The following INSIG2 variants were observed in gnomAD, a reference collection of about 807,000 sequenced individuals.
INSIG2 encodes insulin induced gene 2, also known as insulin-induced gene 2 protein.
A neutral mutation model predicts 27.2 loss-of-function variants in INSIG2; 10 were observed. The observed-to-expected ratio is 0.37, with a 90% confidence interval of 0.23 to 0.62. INSIG2 has a LOEUF of 0.62. Among genes scored for constraint, INSIG2 ranks in the 20% least tolerant of loss-of-function variants. INSIG2 has a pLI of 0.65. For missense variants in INSIG2, 178 were observed against 270.2 expected, an observed-to-expected ratio of 0.66 and a Z score of 2.39; for synonymous variants, 97 against 95.8, an observed-to-expected ratio of 1.01 and a Z score of -0.07.
chr2:118,098,296 T>A (rs558027087), intron 2 of INSIG2, among the ~76,000 whole-genome samples: 4 of 152,290 alleles, frequency 2.6e-5, no homozygotes, highest in South Asian at 4.1e-4. Flanking sequence ...GAAACTGTTG[T>A]TTATTGAATG....
chr2:118,102,439 T>G (rs908554351), intron 2 of INSIG2: 8 of 152,204 alleles, frequency 5.3e-5, no homozygotes, highest in Non-Finnish European at 1.0e-4. Flanking sequence ...CTAAGATGAT[T>G]TCTTCTTCTA....
chr2:118,110,108 T>C lies in INSIG2; in HGVS notation c.*1786T>C, dbSNP rs890381664. ...AATCTAATGAAATTAACATATGTGG[T>C]TGAAGTTACCAAGAAACGATGAAAA... is the stretch of plus-strand genomic sequence containing the variant. On this transcript the variant is annotated 3_prime_UTR_variant, in exon 6 of 6. Transcript: ENST00000245787. 6.6e-6 allele frequency: 1 copy of C among 152,450 alleles called. No homozygotes were observed. The highest frequency in any genetic ancestry group is 2.4e-5 in the African/African-American group (1 of 41,436). The allele number at this position is 152,450 out of a possible 1,614,324, so 9.4% of individuals were successfully genotyped here.
At chr2:118,096,914 T>A (rs988801581) in intron 2 of INSIG2, 114 bp downstream of exon 2, 4 of 1,179,856 alleles carry the variant, frequency 3.4e-6, no homozygotes, top group Non-Finnish European at 4.7e-6. Flanking sequence ...GAGATATAAT[T>A]TAGGTATAAT....
chr2:118,093,802 T>G (rs1250832149), intron 1 of INSIG2, among the ~76,000 whole-genome samples: 2 of 103,560 alleles, frequency 1.9e-5, no homozygotes, highest in East Asian at 3.1e-4. Flanking sequence ...ATGTTGATGA[T>G]GATGAAGGAG....
intron 3 of INSIG2, among the ~76,000 whole-genome samples, chr2:118,105,338 G>A (rs1213372586): frequency 6.6e-6 from 1 of 152,154 alleles, no homozygotes; most frequent in Non-Finnish European, 1.5e-5. Context: ...ACCGCACCTG[G>A]CCCATATGGC....
intron 1 of INSIG2, among the ~76,000 whole-genome samples, chr2:118,090,296 A>G (rs932355762): frequency 6.6e-6 from 1 of 152,176 alleles, no homozygotes; most frequent in African/African-American, 2.4e-5. Context: ...TGGTCTTGTC[A>G]TTTGGTTTTA....
chr2:118,095,406 T>C (rs1236987727), intron 1 of INSIG2, among the ~76,000 whole-genome samples: 1 of 152,216 alleles, frequency 6.6e-6, no homozygotes, highest in African/African-American at 2.4e-5. Context: ...ACTGGAGATG[T>C]GAACTAGGTC....
intron 3 of INSIG2, among the ~76,000 whole-genome samples, chr2:118,104,450 T>C (rs1322766326): frequency 1.3e-5 from 2 of 152,170 alleles, no homozygotes; most frequent in African/African-American, 4.8e-5. Context: ...TAGTTTTAAT[T>C]TCTGTTTGTA....
At chr2:118,089,797 G>T (rs1558830724) in intron 1 of INSIG2, among the ~76,000 whole-genome samples, 1 of 152,206 alleles carries the variant, frequency 6.6e-6, no homozygotes, top group South Asian at 2.1e-4. Flanking sequence ...GAAAAGGAAA[G>T]AATAAAATGC....
intron 5 of INSIG2, among the ~76,000 whole-genome samples, chr2:118,107,854 A>T (rs1404560736): frequency 6.6e-6 from 1 of 152,102 alleles, no homozygotes; most frequent in East Asian, 1.9e-4. Context: ...TTTTTCCTTT[A>T]TATCATATAG....
Position 118,096,440 on chromosome 2 carries a change from T to G in INSIG2, c.-117T>G. 1 of 1,024,166 alleles carries G rather than the reference T, an allele frequency of 9.8e-7. No individual in the cohort carries two copies. Among genetic ancestry groups the G allele is most frequent in the South Asian group, 1.7e-5 (1 of 59,830 alleles). 63.4% of individuals were successfully genotyped at this position (1,024,166 alleles called of 1,614,324 possible). On this transcript the variant is annotated 5_prime_UTR_variant, in exon 2 of 6. Coordinates refer to ENST00000245787, the MANE Select transcript of INSIG2 (RefSeq NM_016133.4). The stretch of plus-strand genomic sequence containing the variant: ...GCAGGATTTCTGGTAGGTCCTACTT[T>G]AGGACAAGATGTGGTACCGTTGAAG...
Position 118,096,657 on chromosome 2 carries a change from T to A in INSIG2, c.101T>A (p.Val34Glu). ...GTGAACTTGATGATTCGAGGAGTAG[T>A]GCTATTTTTTATTGGAGTATTTCTT... ...QSVNLMIRGV[V>E]LFFIGVFLAL... Residue 34 changes from valine (V) to glutamate (E), a missense_variant, in exon 2 of 6, where the codon GTG becomes GAG. Coordinates refer to ENST00000245787, the MANE Select transcript of INSIG2 (RefSeq NM_016133.4). 6.2e-7 allele frequency: 1 copy of A among 1,614,058 alleles called. No individual in the cohort carries two copies. The highest frequency in any genetic ancestry group is 8.5e-7 in the Non-Finnish European group (1 of 1,179,966).
chr2:118,090,634 A>G (rs145344740), intron 1 of INSIG2, among the ~76,000 whole-genome samples: 218 of 152,320 alleles, frequency 1.4e-3, no homozygotes, highest in African/African-American at 5.1e-3. Flanking sequence ...CTCAGCGTAG[A>G]ATTTTTCAAG....
chr2:118,097,037 G>C (rs13395474), intron 2 of INSIG2, among the ~76,000 whole-genome samples: 1 of 152,026 alleles, frequency 6.6e-6, no homozygotes, highest in Non-Finnish European at 1.5e-5. Flanking sequence ...AGAGTCTCTC[G>C]TGTCCTCTTG....
intron 2 of INSIG2, among the ~76,000 whole-genome samples, chr2:118,099,972 T>C (rs1393168361): frequency 6.6e-6 from 1 of 152,196 alleles, no homozygotes; most frequent in Non-Finnish European, 1.5e-5. Flanking sequence ...AGTGATGACA[T>C]TGTTTTCCTG....
At chr2:118,106,991 T>C in intron 4 of INSIG2, 88 bp downstream of exon 4, 1 of 1,526,826 alleles carries the variant, frequency 6.5e-7, no homozygotes, top group Non-Finnish European at 9.0e-7. Flanking sequence ...GAAATGAGGT[T>C]AGCCAGTTTA....
In INSIG2 at chr2:118,096,648, G is replaced by A. The variant is rs1678413827; in HGVS notation, c.92G>A (p.Arg31Gln). The A allele has an allele frequency of 2.5e-6, 4 of 1,613,778 alleles. No homozygotes were observed. Among genetic ancestry groups the A allele is most frequent in the Non-Finnish European group, 3.4e-6 (4 of 1,179,944 alleles). ...AGCCAGAGTGTGAACTTGATGATTC[G>A]AGGAGTAGTGCTATTTTTTATTGGA... is the stretch of plus-strand genomic sequence containing the variant. Reference protein sequence around the residue: ...VTSQSVNLMIRGVVLFFIGVF... With the variant: ...VTSQSVNLMIQGVVLFFIGVF... The change falls in exon 2 of 6, where the codon CGA becomes CAA. Residue 31 changes from arginine to glutamine, a missense_variant. Arg to Gln is a conservative substitution (Grantham distance 43). Transcript: ENST00000245787.
intron 1 of INSIG2, among the ~76,000 whole-genome samples, chr2:118,091,020 A>G (rs1232926791): frequency 6.6e-6 from 1 of 152,244 alleles, no homozygotes; most frequent in African/African-American, 2.4e-5. Flanking sequence ...TTATTTGTCA[A>G]GTAATCTAAA....
At chr2:118,091,955 G>A (rs1678242592) in intron 1 of INSIG2, among the ~76,000 whole-genome samples, 1 of 152,160 alleles carries the variant, frequency 6.6e-6, no homozygotes, top group Non-Finnish European at 1.5e-5. Flanking sequence ...GATGCTAAAT[G>A]TTTTGCAATG....
Sources: gnomAD v4.1 joint callset for allele counts (sites outside exome capture counted in the v4.1 genomes callset) on GRCh38, gnomAD v4.1.1 for gene constraint, MANE v1.5 for transcripts, NCBI Gene and HGNC (gene_info 2026-07-23, HGNC 2026-07-21) for gene names.